OR2L13: variants seen among roughly 807,000 people sequenced by gnomAD.
OR2L13 encodes the protein olfactory receptor family 2 subfamily L member 13.
OR2L13 carries 14 observed loss-of-function variants against 15.3 expected under a neutral mutation model. The observed-to-expected ratio is 0.91, with a 90% CI of 0.60 to 1.43. The LOEUF is 1.43. OR2L13 is among the 40% of genes most tolerant of loss of function. The probability of loss-of-function intolerance (pLI) is 0.00; values close to 1 mark genes in which losing one functional copy is unlikely to be tolerated. For synonymous variants in OR2L13, 152 were observed against 142.9 expected, an observed-to-expected ratio of 1.06 and a Z score of -0.45; for missense variants, 367 against 387.9, an observed-to-expected ratio of 0.95 and a Z score of 0.45.
At chr1:247,986,786 A>T in the OR2L13 span, among the ~76,000 whole-genome samples, 12,299 of 151,950 alleles carry the variant, frequency 0.081, 622 homozygotes, top group East Asian at 0.16. Context: ...CTTTCATTTC[A>T]TTGAGCAGTG....
chr1:247,965,722 G>C, the OR2L13 span: 1 of 1,555,882 alleles, frequency 6.4e-7, no homozygotes, highest in African/African-American at 1.4e-5. Flanking sequence ...CCTTCTCCTT[G>C]GTTTTATGTC....
chr1:248,083,012 T>C, the OR2L13 span, among the ~76,000 whole-genome samples: 1 of 152,170 alleles, frequency 6.6e-6, no homozygotes, highest in Non-Finnish European at 1.5e-5. Context: ...AATGAAAAAT[T>C]ACATAAATTT....
At chr1:248,012,336 C>T in the OR2L13 span, among the ~76,000 whole-genome samples, 5 of 152,126 alleles carry the variant, frequency 3.3e-5, no homozygotes, top group East Asian at 3.9e-4. Flanking sequence ...GAGATCCAGA[C>T]GGCAGACTTC....
the OR2L13 span, among the ~76,000 whole-genome samples, chr1:248,016,945 T>C: frequency 0.031 from 4,786 of 152,188 alleles, 225 homozygotes; most frequent in African/African-American, 0.11. Flanking sequence ...CTAATGGAAT[T>C]ATGGAAGAAA....
the OR2L13 span, among the ~76,000 whole-genome samples, chr1:247,993,703 C>T: frequency 9.7e-4 from 138 of 142,492 alleles, no homozygotes; most frequent in African/African-American, 3.4e-3. Flanking sequence ...TCAGCTAAGC[C>T]AACAAATTCC....
At chr1:248,084,664 C>T in the OR2L13 span, 22 of 1,515,974 alleles carry the variant, frequency 1.5e-5, no homozygotes, top group Non-Finnish European at 1.9e-5. Context: ...ATCTGAATAA[C>T]GAGCTAACTT....
chr1:248,086,421 A>T, the OR2L13 span, among the ~76,000 whole-genome samples: 84 of 152,326 alleles, frequency 5.5e-4, no homozygotes, highest in African/African-American at 1.9e-3. Context: ...ATAAACCTGT[A>T]TTATGCTAAG....
chr1:248,046,370 A>C, the OR2L13 span, among the ~76,000 whole-genome samples: 4 of 152,202 alleles, frequency 2.6e-5, no homozygotes, highest in Non-Finnish European at 4.4e-5. Flanking sequence ...TCTTACTGCC[A>C]ATATAAACCA....
the OR2L13 span, among the ~76,000 whole-genome samples, chr1:248,027,182 A>G: frequency 6.6e-6 from 1 of 152,218 alleles, no homozygotes; most frequent in African/African-American, 2.4e-5. Context: ...AGTCATAGAT[A>G]AGGGACGAAA....
chr1:248,094,238 CAAAG>C (rs985253473), upstream of OR2L13, among the ~76,000 whole-genome samples: 3 of 151,736 alleles, frequency 2.0e-5, no homozygotes, highest in African/African-American at 4.8e-5. Flanking sequence ...AGGAAAAAAA[CAAAG>C]AACATGGATA....
chr1:248,020,889 A>G, the OR2L13 span, among the ~76,000 whole-genome samples: 1 of 151,402 alleles, frequency 6.6e-6, no homozygotes, highest in Non-Finnish European at 1.5e-5. Flanking sequence ...ATATGTATAT[A>G]TGGGACCAAC....
At chr1:247,998,866 A>G in the OR2L13 span, among the ~76,000 whole-genome samples, 9 of 152,230 alleles carry the variant, frequency 5.9e-5, no homozygotes, top group African/African-American at 2.2e-4. Flanking sequence ...GAAATAATAG[A>G]AATATCTGCC....
At chr1:248,085,865 G>A in the OR2L13 span, among the ~76,000 whole-genome samples, 1 of 152,096 alleles carries the variant, frequency 6.6e-6, no homozygotes. Context: ...CACACGTGCA[G>A]TTCACAATAG....
chr1:248,078,809 C>A, the OR2L13 span, among the ~76,000 whole-genome samples: 1 of 152,016 alleles, frequency 6.6e-6, no homozygotes, highest in South Asian at 2.1e-4. Flanking sequence ...AAATTATTGA[C>A]ACATATGATA....
At chr1:248,023,743 C>G in the OR2L13 span, 3 of 152,138 alleles carry the variant, frequency 2.0e-5, no homozygotes, top group South Asian at 2.1e-4. Context: ...TAGGTCCATT[C>G]TCTGAGTGAA....
At chr1:247,938,646 CCA>C in the OR2L13 span, among the ~76,000 whole-genome samples, 1 of 151,866 alleles carries the variant, frequency 6.6e-6, no homozygotes, top group Non-Finnish European at 1.5e-5. Flanking sequence ...ATAAACATGC[CCA>C]CACACACATG....
the OR2L13 span, among the ~76,000 whole-genome samples, chr1:248,027,809 C>T: frequency 1.4e-4 from 21 of 152,206 alleles, 1 homozygote; most frequent in South Asian, 8.3e-4. Flanking sequence ...TCACCACTCA[C>T]GCCTCGACCA....
At chr1:247,974,681 A>T in the OR2L13 span, 1 of 224,274 alleles carries the variant, frequency 4.5e-6, no homozygotes, top group Non-Finnish European at 1.0e-5. Context: ...CCCTGTGGAT[A>T]AGGAGGAACT....
At chr1:248,096,921 A>C (rs1402715588), upstream of OR2L13, among the ~76,000 whole-genome samples, 2 of 152,062 alleles carry the variant, frequency 1.3e-5, no homozygotes, top group African/African-American at 2.4e-5. Flanking sequence ...GTCACATCTC[A>C]CTCTTTCTTG....
Sources: allele counts gnomAD v4.1 joint callset (sites outside exome capture counted in the v4.1 genomes callset), GRCh38; gene constraint gnomAD v4.1.1; transcripts MANE v1.5; gene names NCBI Gene and HGNC (gene_info 2026-07-23, HGNC 2026-07-21).